Variants in PLA2G4A observed in about 807,000 individuals in gnomAD.
The protein encoded by PLA2G4A is cytosolic phospholipase A2.
PLA2G4A carries 40 observed loss-of-function variants against 81.9 expected under a neutral mutation model. That is an observed-to-expected ratio of 0.49 (90% CI 0.38 to 0.64). The LOEUF is 0.64. Among genes scored for constraint, PLA2G4A ranks in the 30% least tolerant of loss-of-function variants. The probability of loss-of-function intolerance (pLI) is 0.00; values close to 1 mark genes in which losing one functional copy is unlikely to be tolerated. For missense variants in PLA2G4A, 715 were observed against 905.1 expected, an observed-to-expected ratio of 0.79 and a Z score of 2.69; for synonymous variants, 302 against 296.9, an observed-to-expected ratio of 1.02 and a Z score of -0.18.
At position 186,901,420 on chromosome 1, in the gene PLA2G4A, A is replaced by G. The variant is rs928935827; in HGVS notation, c.379-5545A>G. Among the ~76,000 whole-genome samples the G allele has an allele frequency of 7.2e-5, 11 of 152,152 alleles. No homozygotes were observed. In the South Asian group the frequency reaches 8.3e-4, roughly 11 times the overall value. On this transcript the variant is annotated intron_variant, in intron 5 of 17. Coordinates refer to ENST00000367466, the MANE Select transcript of PLA2G4A (RefSeq NM_024420.3). Reference sequence around the variant, plus strand: ...TTCTATCATGGAGTAGAACGTGACTAGCTTATTTACCATTGTGTACCCATC... The same window carrying G: ...TTCTATCATGGAGTAGAACGTGACTGGCTTATTTACCATTGTGTACCCATC...
intron 5 of PLA2G4A, among the ~76,000 whole-genome samples, chr1:186,898,882 G>A (rs1654442415): frequency 6.6e-6 from 1 of 152,160 alleles, no homozygotes; most frequent in South Asian, 2.1e-4. Context: ...TGTGTGCAGT[G>A]AGTCATAAGA....
intron 6 of PLA2G4A, among the ~76,000 whole-genome samples, chr1:186,908,783 T>C: frequency 6.6e-6 from 1 of 151,758 alleles, no homozygotes; most frequent in East Asian, 1.9e-4. Flanking sequence ...CACTAATTAC[T>C]AAAAACCTGC....
intron 11 of PLA2G4A, 26 bp downstream of exon 11, chr1:186,946,800 C>CAAAAAAAAAATAAAAA: frequency 6.3e-7 from 1 of 1,597,970 alleles, no homozygotes; most frequent in Non-Finnish European, 8.6e-7. Flanking sequence ...AAAAATATAT[C>CAAAAAAAAAATAAAAA]ATTGACTTGC....
intron 3 of PLA2G4A, among the ~76,000 whole-genome samples, chr1:186,875,356 CAT>C (rs1653427471): frequency 6.6e-6 from 1 of 151,988 alleles, no homozygotes; most frequent in South Asian, 2.1e-4. Context: ...TTACATGACT[CAT>C]TATATTATCA....
chr1:186,881,749 CA>C (rs1653741803), intron 3 of PLA2G4A, among the ~76,000 whole-genome samples: 1 of 151,954 alleles, frequency 6.6e-6, no homozygotes, highest in Non-Finnish European at 1.5e-5. Context: ...GGACAAACAC[CA>C]GGAGGGTTGA....
At chr1:186,855,025 G>A (rs1354893940) in intron 2 of PLA2G4A, among the ~76,000 whole-genome samples, 1 of 151,924 alleles carries the variant, frequency 6.6e-6, no homozygotes, top group Non-Finnish European at 1.5e-5. Flanking sequence ...GTAATCCATA[G>A]CCTCATTTTT....
chr1:186,931,778 C>T (rs1357154165), intron 7 of PLA2G4A, among the ~76,000 whole-genome samples: 1 of 152,104 alleles, frequency 6.6e-6, no homozygotes, highest in African/African-American at 2.4e-5. Flanking sequence ...ACAATGCATT[C>T]ATGTTGTATA....
At chr1:186,965,883 A>T (rs892304696) in intron 15 of PLA2G4A, among the ~76,000 whole-genome samples, 1 of 152,154 alleles carries the variant, frequency 6.6e-6, no homozygotes, top group African/African-American at 2.4e-5. Context: ...TTAGCAAGTA[A>T]ATGATCATTA....
At chr1:186,886,702 T>G (rs1359027494) in intron 3 of PLA2G4A, among the ~76,000 whole-genome samples, 2 of 152,186 alleles carry the variant, frequency 1.3e-5, no homozygotes, top group Non-Finnish European at 2.9e-5. Context: ...CTTAATTTAT[T>G]CTTGCATTTA....
Position 186,937,253 on chromosome 1 carries a change from A to AGAGAGAG in PLA2G4A, c.696-1755_696-1754insGAGAGAG, listed in dbSNP as rs67366503. Among the ~76,000 whole-genome samples the AGAGAGAG allele has an allele frequency of 6.4e-3, 953 of 149,324 alleles. 6 individuals are homozygous for AGAGAGAG. Among genetic ancestry groups the AGAGAGAG allele is most frequent in the Middle Eastern group, 0.01 (3 of 290 alleles). ...AGCCAACTGCTTCATGAGACGGGAAAAGAGAGAGAGAGAGAGAGAGAGAGA... is the reference window on the plus strand; with the variant it reads ...AGCCAACTGCTTCATGAGACGGGAAAGAGAGAGAGAGAGAGAGAGAGAGAGAGAGAGA... On this transcript the variant is annotated intron_variant, in intron 8 of 17. Coordinates refer to ENST00000367466, the MANE Select transcript of PLA2G4A (RefSeq NM_024420.3).
chr1:186,960,779 A>G (rs1656914931), intron 14 of PLA2G4A, among the ~76,000 whole-genome samples: 1 of 152,220 alleles, frequency 6.6e-6, no homozygotes, highest in Non-Finnish European at 1.5e-5. Context: ...TACCCATGTT[A>G]TAGAATTATT....
chr1:186,979,347 A>G lies in PLA2G4A; in HGVS notation c.1993A>G (p.Ile665Val). 1 of 1,612,432 alleles carries G rather than the reference A, an allele frequency of 6.2e-7. No individual in the cohort carries two copies. Among genetic ancestry groups the G allele is most frequent in the East Asian group, 2.2e-5 (1 of 44,866 alleles). The change falls in exon 17 of 18, where the codon ATC becomes GTC. Residue 665 changes from isoleucine to valine, a missense_variant. By Grantham distance (29) the Ile-to-Val change is conservative. Coordinates refer to ENST00000367466, the MANE Select transcript of PLA2G4A (RefSeq NM_024420.3). ...VPRETEEEKEIADFDIFDDPE... is the reference protein window; with the variant it reads ...VPRETEEEKEVADFDIFDDPE... ...AAGGGAAACTGAGGAAGAGAAAGAA[A>G]TCGCTGACTTTGATATTTTTGATGA...
In PLA2G4A at chr1:186,922,157, C is replaced by CCA. The variant is rs774493445; in HGVS notation, c.559-10597_559-10596dup. ...CTCGAGACAAAAGACCATGCTCACA[C>CCA]CACACACACATCACAAAACAAAGAA... On this transcript the variant is annotated intron_variant, in intron 7 of 17. Coordinates refer to ENST00000367466, the MANE Select transcript of PLA2G4A (RefSeq NM_024420.3). Among the ~76,000 whole-genome samples, 102 of 152,186 alleles carry CCA rather than the reference C, an allele frequency of 6.7e-4. 1 individual carries two copies. The highest frequency in any genetic ancestry group is 1.0e-3 in the Non-Finnish European group (68 of 68,004).
chr1:186,830,608 CAAAAA>C (rs55745208), intron 1 of PLA2G4A, among the ~76,000 whole-genome samples: 1 of 72,694 alleles, frequency 1.4e-5, no homozygotes, highest in African/African-American at 5.4e-5. Context: ...AGCTCTGTCT[CAAAAA>C]AAAAAAAAAA....
chr1:186,907,988 CG>C (rs1654802170), intron 6 of PLA2G4A, among the ~76,000 whole-genome samples: 1 of 151,986 alleles, frequency 6.6e-6, no homozygotes, highest in African/African-American at 2.4e-5. Flanking sequence ...TTTTGTTTAG[CG>C]GGGAATAGTC....
rs540495761 is a variant in PLA2G4A, at chr1:186,864,482, T to A, written c.34-5953T>A. ...GCATTTGTCATTTTTGTGGTTTTTT[T>A]AATGGCAATTCTAGTTGGGATGAGG... On this transcript the variant is annotated intron_variant, in intron 2 of 17. Transcript: ENST00000367466. Among the ~76,000 whole-genome samples, 18 of 152,268 alleles carry A rather than the reference T, an allele frequency of 1.2e-4. No homozygotes were observed. In the South Asian group the frequency reaches 3.7e-3, roughly 32 times the overall value.
intron 2 of PLA2G4A, among the ~76,000 whole-genome samples, chr1:186,867,990 T>C (rs1182548950): frequency 6.6e-6 from 1 of 151,992 alleles, no homozygotes; most frequent in Admixed American, 6.6e-5. Flanking sequence ...TGTTGATATA[T>C]GGATTAAATT....
intron 1 of PLA2G4A, among the ~76,000 whole-genome samples, chr1:186,843,853 C>A (rs929869117): frequency 6.6e-6 from 1 of 152,168 alleles, no homozygotes; most frequent in African/African-American, 2.4e-5. Context: ...TCTCTGAAGC[C>A]GTTTCTACTT....
rs1379825138 is a variant in PLA2G4A, at chr1:186,893,004, T to C, written c.116-7T>C. On this transcript the variant is annotated splice_region_variant and splice_polypyrimidine_tract_variant and intron_variant, in intron 3 of 17. Transcript: ENST00000367466. ...ACCTCCTTCTTGTTTGTGTTTACTA[T>C]CTGTAGTTGATACTCCAGATCCCTA... The C allele has an allele frequency of 3.7e-6, 6 of 1,601,810 alleles. No individual in the cohort carries two copies. Among genetic ancestry groups the C allele is most frequent in the Non-Finnish European group, 5.1e-6 (6 of 1,168,904 alleles).
Sources: allele counts gnomAD v4.1 joint callset (sites outside exome capture counted in the v4.1 genomes callset), GRCh38; gene constraint gnomAD v4.1.1; transcripts MANE v1.5; gene names NCBI Gene and HGNC (gene_info 2026-07-23, HGNC 2026-07-21).